Variants in SPMIP2 observed in about 807,000 individuals in gnomAD.
SPMIP2 encodes protein SPMIP2.
At chr4:158,928,611 G>A in the SPMIP2 span, among the ~76,000 whole-genome samples, 4 of 152,186 alleles carry the variant, frequency 2.6e-5, no homozygotes, top group African/African-American at 7.2e-5. Flanking sequence ...ATGTGGGTGG[G>A]GCCAGATAAG....
At chr4:159,035,145 A>C in the SPMIP2 span, 1 of 1,490,958 alleles carries the variant, frequency 6.7e-7, no homozygotes, top group Non-Finnish European at 9.3e-7. Flanking sequence ...GGCTTCTTCA[A>C]ATCAGTTAAG....
chr4:159,055,049 G>A, the SPMIP2 span, among the ~76,000 whole-genome samples: 2 of 152,182 alleles, frequency 1.3e-5, no homozygotes, highest in Non-Finnish European at 2.9e-5. Context: ...TCCTAAAGAC[G>A]TCCTTTAAAG....
the SPMIP2 span, among the ~76,000 whole-genome samples, chr4:158,912,544 TAAG>T: frequency 6.6e-6 from 1 of 152,208 alleles, no homozygotes; most frequent in African/African-American, 2.4e-5. Flanking sequence ...GCATCTCAAG[TAAG>T]AATAGTAATG....
the SPMIP2 span, chr4:158,893,733 T>G: frequency 6.5e-7 from 1 of 1,550,372 alleles, no homozygotes; most frequent in South Asian, 1.2e-5. Flanking sequence ...AGAGAAGTAA[T>G]GTATATTAGA....
At chr4:159,034,840 G>A in the SPMIP2 span, among the ~76,000 whole-genome samples, 1 of 151,866 alleles carries the variant, frequency 6.6e-6, no homozygotes, top group South Asian at 2.1e-4. Context: ...GCAGTGAGCC[G>A]AGATCGCGCC....
the SPMIP2 span, among the ~76,000 whole-genome samples, chr4:158,929,666 T>C: frequency 6.6e-6 from 1 of 152,208 alleles, no homozygotes; most frequent in African/African-American, 2.4e-5. Context: ...ATGAAAAACT[T>C]TGCTTCAGTA....
the SPMIP2 span, among the ~76,000 whole-genome samples, chr4:158,957,677 G>A: frequency 6.6e-6 from 1 of 152,108 alleles, no homozygotes; most frequent in South Asian, 2.1e-4. Context: ...CACCCACCTT[G>A]GCCTCCCAAA....
At chr4:158,926,483 T>C in the SPMIP2 span, among the ~76,000 whole-genome samples, 2 of 152,168 alleles carry the variant, frequency 1.3e-5, no homozygotes, top group African/African-American at 4.8e-5. Flanking sequence ...AATTTTTAAT[T>C]ATTGATTTTA....
the SPMIP2 span, among the ~76,000 whole-genome samples, chr4:159,069,027 G>T: frequency 6.6e-6 from 1 of 152,154 alleles, no homozygotes; most frequent in Non-Finnish European, 1.5e-5. Flanking sequence ...ATTAGGCTGG[G>T]TGCCGTGGCT....
chr4:158,913,980 GTA>G, the SPMIP2 span, among the ~76,000 whole-genome samples: 1 of 152,282 alleles, frequency 6.6e-6, no homozygotes, highest in East Asian at 1.9e-4. Context: ...TGGGGAAAGA[GTA>G]TATCACGTTC....
chr4:159,048,731 C>CTTTTTT, the SPMIP2 span, among the ~76,000 whole-genome samples: 5 of 111,472 alleles, frequency 4.5e-5, no homozygotes, highest in Non-Finnish European at 3.6e-5. Flanking sequence ...TCCCCTTCCA[C>CTTTTTT]TTTTTTTTTT....
the SPMIP2 span, among the ~76,000 whole-genome samples, chr4:159,076,841 A>AT: frequency 4.7e-4 from 69 of 145,934 alleles, no homozygotes; most frequent in Non-Finnish European, 5.6e-4. Context: ...CACTAAACAG[A>AT]TTTTTTTTTT....
the SPMIP2 span, among the ~76,000 whole-genome samples, chr4:159,082,535 T>C: frequency 1.3e-5 from 2 of 149,952 alleles, no homozygotes; most frequent in African/African-American, 4.9e-5. Context: ...AATATGAACC[T>C]GGAAAAAATG....
chr4:158,985,154 C>CA, the SPMIP2 span, among the ~76,000 whole-genome samples: 1 of 130,180 alleles, frequency 7.7e-6, no homozygotes, highest in East Asian at 2.2e-4. Context: ...GCTTACCAAC[C>CA]AAAAAGAGTC....
chr4:158,927,240 G>A, the SPMIP2 span, among the ~76,000 whole-genome samples: 1 of 152,062 alleles, frequency 6.6e-6, no homozygotes, highest in Admixed American at 6.5e-5. Flanking sequence ...TCTTAAAAAT[G>A]CTCTTCTTTA....
At chr4:158,897,937 C>G in the SPMIP2 span, among the ~76,000 whole-genome samples, 1 of 152,146 alleles carries the variant, frequency 6.6e-6, no homozygotes, top group Non-Finnish European at 1.5e-5. Flanking sequence ...AATGGTATTG[C>G]CTAGGTTTTC....
chr4:158,915,441 G>T, the SPMIP2 span: 1 of 1,202,630 alleles, frequency 8.3e-7, no homozygotes, highest in Non-Finnish European at 1.2e-6. Flanking sequence ...AGATTTGTCT[G>T]TTTTTCTAGT....
chr4:159,073,568 T>A, the SPMIP2 span, among the ~76,000 whole-genome samples: 1 of 152,198 alleles, frequency 6.6e-6, no homozygotes, highest in African/African-American at 2.4e-5. Flanking sequence ...TACCTAACCA[T>A]GCTTGTACTT....
At chr4:159,041,890 G>T in the SPMIP2 span, among the ~76,000 whole-genome samples, 26,761 of 152,208 alleles carry the variant, frequency 0.18, 2,748 homozygotes, top group African/African-American at 0.28. Flanking sequence ...TCACGAAGAG[G>T]TGAGTTCTAC....
Sources: allele counts gnomAD v4.1 joint callset (sites outside exome capture counted in the v4.1 genomes callset), GRCh38; gene constraint gnomAD v4.1.1; transcripts MANE v1.5; gene names NCBI Gene and HGNC (gene_info 2026-07-23, HGNC 2026-07-21).